The following SUN1 variants were observed in gnomAD, a reference collection of about 807,000 sequenced individuals.
The protein encoded by SUN1 is Sad1 and UNC84 domain containing 1, also known as SUN domain-containing protein 1.
In SUN1, 61 loss-of-function variants were observed where a neutral mutation model predicts 103.2. The ratio of observed to expected loss-of-function variants is 0.59; its 90% CI spans 0.48 to 0.73. The LOEUF is 0.73. SUN1 is among the 30% of genes least tolerant of loss of function. SUN1 has a pLI of 0.00. For synonymous variants in SUN1, 490 were observed against 425.7 expected, an observed-to-expected ratio of 1.15 and a Z score of -1.86; for missense variants, 1,052 against 1,034.6, an observed-to-expected ratio of 1.02 and a Z score of -0.23.
chr7:818,530 C>G (rs955143583), intron 1 of SUN1, among the ~76,000 whole-genome samples: 1 of 152,190 alleles, frequency 6.6e-6, no homozygotes, highest in Admixed American at 6.5e-5. Context: ...GTTTGAGCAT[C>G]TGTTTTCAAT....
intron 1 of SUN1, among the ~76,000 whole-genome samples, chr7:838,338 T>C (rs1330254993): frequency 6.6e-6 from 1 of 152,226 alleles, no homozygotes; most frequent in African/African-American, 2.4e-5. Context: ...AAATTCTAAA[T>C]TTAGAAGGGG....
Position 844,306 on chromosome 7 carries a change from C to G in SUN1, c.658+786C>G, listed in dbSNP as rs78622128. Among the ~76,000 whole-genome samples the G allele has an allele frequency of 7.6e-3, 1,153 of 152,326 alleles. 50 individuals are homozygous for G. The East Asian group carries it at 0.14, about 18-fold the overall frequency. ...GCCGGGCCGGGTGCTGCCTGGTTCT[C>G]AAGCCCTTAGCAGCTTGTCCTTCGA... On this transcript the variant is annotated intron_variant, in intron 5 of 18. Transcript: ENST00000401592.
At chr7:819,702 T>G (rs1369949237) in intron 1 of SUN1, among the ~76,000 whole-genome samples, 1 of 146,454 alleles carries the variant, frequency 6.8e-6, no homozygotes, top group African/African-American at 2.5e-5. Context: ...TTTATGCCAA[T>G]GCCACCCTTT....
upstream of SUN1, chr7:831,932 A>G: frequency 5.4e-6 from 3 of 558,550 alleles, no homozygotes; most frequent in Non-Finnish European, 6.8e-6. Context: ...AATATACTCA[A>G]CACTTTCTAA....
chr7:856,642 G>C (rs1184183642), intron 12 of SUN1, among the ~76,000 whole-genome samples: 1 of 152,174 alleles, frequency 6.6e-6, no homozygotes, highest in Non-Finnish European at 1.5e-5. Context: ...TCTCAAAGGT[G>C]CTGTCCGCGC....
intron 1 of SUN1, among the ~76,000 whole-genome samples, chr7:825,025 A>G (rs1409560673): frequency 6.6e-6 from 1 of 151,958 alleles, no homozygotes; most frequent in Admixed American, 6.6e-5. Flanking sequence ...ATGAAGATGA[A>G]ATTTGTTTCT....
chr7:829,003 A>G (rs1053105686), upstream of SUN1, among the ~76,000 whole-genome samples: 11 of 151,970 alleles, frequency 7.2e-5, no homozygotes, highest in African/African-American at 2.4e-4. Flanking sequence ...GTGGAACACA[A>G]CTCTCCCAAA....
At position 838,884 on chromosome 7, in the gene SUN1, G is replaced by C; in HGVS notation, c.164G>C (p.Ser55Thr). The C allele has an allele frequency of 6.2e-7, 1 of 1,608,842 alleles. No individual in the cohort carries two copies. ...VFDSPRMSRRSLRLATTACTL... is the reference protein window; with the variant it reads ...VFDSPRMSRRTLRLATTACTL... ...GATTCTCCACGGATGTCCCGCCGTA[G>C]TTTGCGCCTGGCCACGACAGCATGC... The change falls in exon 2 of 19, where the codon AGT becomes ACT. Residue 55 changes from serine (S) to threonine (T), a missense_variant. Physicochemically the swap from Ser to Thr is moderately conservative, Grantham distance 58. Transcript: ENST00000401592.
chr7:853,294 T>C, intron 9 of SUN1, 115 bp from the exon 10 acceptor site: 1 of 1,196,394 alleles, frequency 8.4e-7, no homozygotes, highest in Non-Finnish European at 1.2e-6. Flanking sequence ...CCTCCATTCG[T>C]GTGCCGTGCG....
intron 1 of SUN1, among the ~76,000 whole-genome samples, chr7:818,663 C>A (rs1783108341): frequency 6.6e-6 from 1 of 152,182 alleles, no homozygotes; most frequent in Non-Finnish European, 1.5e-5. Flanking sequence ...CCATTGGCAA[C>A]AAGTGAGTTC....
In SUN1 at chr7:873,486, G is replaced by A; in HGVS notation, c.*155G>A. The A allele has an allele frequency of 1.4e-6, 1 of 721,160 alleles. No homozygotes were observed. The highest frequency in any genetic ancestry group is 2.3e-6 in the Non-Finnish European group (1 of 440,504). The allele number at this position is 721,160 out of a possible 1,614,324, so 44.7% of individuals were successfully genotyped here. On this transcript the variant is annotated 3_prime_UTR_variant, in exon 19 of 19. Transcript: ENST00000401592. Reference sequence around the variant, plus strand: ...GCCAGAGGACGTGAGCGTGTGACGGGCGCCTTGGCGCCACCTGTTGGGTGC... The same window carrying A: ...GCCAGAGGACGTGAGCGTGTGACGGACGCCTTGGCGCCACCTGTTGGGTGC...
At position 852,986 on chromosome 7, in the gene SUN1, G is replaced by T. The variant is rs543258068; in HGVS notation, c.1053+34G>T. 25 of 1,592,304 alleles carry T rather than the reference G, an allele frequency of 1.6e-5. No individual in the cohort carries two copies. In the Middle Eastern group the frequency reaches 8.5e-4, roughly 54 times the overall value. On this transcript the variant is annotated intron_variant, in intron 9 of 18. Coordinates refer to ENST00000401592, the MANE Select transcript of SUN1 (RefSeq NM_001130965.3). ...GTAGAAAGGCCTCTCAGCTGGCACTGCACATGTGAGGTCTTCAGGGACGTT... is the reference window on the plus strand; with the variant it reads ...GTAGAAAGGCCTCTCAGCTGGCACTTCACATGTGAGGTCTTCAGGGACGTT...
At position 843,423 on chromosome 7, in the gene SUN1, C is replaced by A. The variant is rs1257619699; in HGVS notation, c.561C>A (p.Asn187Lys). 1 of 1,613,838 alleles carries A rather than the reference C, an allele frequency of 6.2e-7. No homozygotes were observed. Among genetic ancestry groups the A allele is most frequent in the African/African-American group, 1.3e-5 (1 of 74,944 alleles). ...CGCACAACGGCTTCTCCTGCAGCAA[C>A]TGCAGCATGCTGTCCGAGCGCAAGG... ...ATAHNGFSCSNCSMLSERKDV... is the reference protein window; with the variant it reads ...ATAHNGFSCSKCSMLSERKDV... The change falls in exon 5 of 19, where the codon AAC (asparagine) becomes AAA (lysine). Residue 187 changes from asparagine (N) to lysine (K), a missense_variant. This residue lies in a region of SUN1 where 846 missense variants were observed against 774.5 expected (regional missense o/e 1.09). Transcript: ENST00000401592.
rs372947867 is a variant in SUN1 at position 861,387 on chromosome 7, G to T, written c.1787G>T (p.Arg596Leu). Residue 596 changes from arginine to leucine, a missense_variant, in exon 15 of 19, where the codon CGT (arginine) becomes CTT (leucine). Around this residue, in one of 2 missense-constraint regions of SUN1, gnomAD observed 206 missense variants for 260.1 expected, o/e 0.79. Transcript: ENST00000401592. Reference protein sequence around the residue: ...GASGITEAQARAIVNSALKLY... With the variant: ...GASGITEAQALAIVNSALKLY... ...TCCCTCGTGTCTGTCCAGCAAGCAC[G>T]TGCCATCGTGAACAGCGCCTTGAAG... The T allele has an allele frequency of 9.9e-6, 16 of 1,614,192 alleles. 1 individual carries two copies. In the South Asian group the frequency reaches 1.1e-4, roughly 11 times the overall value.
intron 12 of SUN1, among the ~76,000 whole-genome samples, chr7:857,239 G>C (rs1828388079): frequency 6.6e-6 from 1 of 152,210 alleles, no homozygotes. Flanking sequence ...ATCCTCTCCT[G>C]TGCCCCATGT....
chr7:824,542 G>A (rs781491767), intron 1 of SUN1, among the ~76,000 whole-genome samples: 2 of 152,116 alleles, frequency 1.3e-5, no homozygotes, highest in Admixed American at 6.5e-5. Context: ...AAATAATTTG[G>A]CCTTGGGCTT....
chr7:872,673 G>C, intron 18 of SUN1, 111 bp downstream of exon 18: 1 of 823,090 alleles, frequency 1.2e-6, no homozygotes, highest in South Asian at 1.6e-5. Context: ...ACCATCCTTT[G>C]AAAAATGTTA....
intron 14 of SUN1, among the ~76,000 whole-genome samples, chr7:860,991 G>C (rs542110680): frequency 6.6e-6 from 1 of 152,212 alleles, no homozygotes; most frequent in Non-Finnish European, 1.5e-5. Flanking sequence ...TGCAATTCAA[G>C]ATGAGATCTG....
intron 2 of SUN1, 86 bp downstream of exon 2, chr7:839,072 C>A: frequency 7.4e-7 from 1 of 1,350,970 alleles, no homozygotes; most frequent in Non-Finnish European, 9.8e-7. Context: ...TAAAGCCGCA[C>A]CCTGTCTCGA....
Sources: allele counts gnomAD v4.1 joint callset (sites outside exome capture counted in the v4.1 genomes callset), GRCh38; gene constraint gnomAD v4.1.1; regional missense constraint gnomAD v4.1.1; transcripts MANE v1.5; gene names NCBI Gene and HGNC (gene_info 2026-07-23, HGNC 2026-07-21).